Variants in ERCC5 observed in about 807,000 individuals in gnomAD.
ERCC5 encodes the protein ERCC excision repair 5, endonuclease, also known as DNA excision repair protein ERCC-5.
Under a neutral mutation model 105.6 loss-of-function variants are expected in ERCC5, and 68 were observed. The ratio of observed to expected loss-of-function variants is 0.64; its 90% CI spans 0.53 to 0.79. The LOEUF (loss-of-function observed/expected upper bound fraction) is 0.79. Among genes scored for constraint, ERCC5 ranks in the 30% least tolerant of loss-of-function variants. The probability of loss-of-function intolerance (pLI) is 0.00; values close to 1 mark genes in which losing one functional copy is unlikely to be tolerated. For missense variants in ERCC5, 1,373 were observed against 1,426.7 expected, an observed-to-expected ratio of 0.96 and a Z score of 0.61; for synonymous variants, 546 against 526.2, an observed-to-expected ratio of 1.04 and a Z score of -0.51.
chr13:102,863,201 A>G (rs936635224), intron 8 of ERCC5, 98 bp downstream of exon 8: 11 of 1,358,356 alleles, frequency 8.1e-6, no homozygotes, highest in Middle Eastern at 3.6e-4. Context: ...AACTTTTTAC[A>G]GATAAGGAAC....
intron 1 of ERCC5, chr13:102,849,216 C>T (rs780892562): frequency 7.7e-6 from 4 of 518,814 alleles, no homozygotes; most frequent in African/African-American, 7.7e-5. Context: ...CCGATCTCTT[C>T]TCGTGGTCTC....
chr13:102,866,632 G>C lies in ERCC5; in HGVS notation c.2320G>C (p.Glu774Gln). 6.2e-7 allele frequency: 1 copy of C among 1,613,010 alleles called. No individual in the cohort carries two copies. The change falls in exon 11 of 15, where the codon GAA (glutamate) becomes CAA (glutamine). Residue 774 changes from glutamate (E) to glutamine (Q), a missense_variant and splice_region_variant. By Grantham distance (29) the Glu-to-Gln change is conservative. Around this residue, in one of 3 missense-constraint regions of ERCC5, gnomAD observed 1,004 missense variants for 1,059.7 expected, o/e 0.95. Transcript: ENST00000652225. The stretch of plus-strand genomic sequence containing the variant: ...TCACTGTGTACCCCTCACTCTGCAG[G>C]AACTCCTGCGCCTGTTCGGCATTCC... ...VTGQMFLESQ[E>Q]LLRLFGIPYI...
rs769114854 is a variant in ERCC5 at position 102,862,467 on chromosome 13, A to G, written c.1318A>G (p.Ile440Val). 8 of 1,614,050 alleles carry G rather than the reference A, an allele frequency of 5.0e-6. No individual in the cohort carries two copies. Among genetic ancestry groups the G allele is most frequent in the East Asian group, 4.5e-5 (2 of 44,896 alleles). Residue 440 changes from isoleucine to valine, a missense_variant, in exon 8 of 15, where the codon ATA becomes GTA. By Grantham distance (29) the Ile-to-Val change is conservative (BLOSUM62 3). This residue lies in a region of ERCC5 where 1,004 missense variants were observed against 1,059.7 expected (regional missense o/e 0.95). Coordinates refer to ENST00000652225, the MANE Select transcript of ERCC5 (RefSeq NM_000123.4). ...ACTTAAAGTGAGAGATGGAAAAGGA[A>G]TACCGTTTACTGCAACACTTGCGTC... is the stretch of plus-strand genomic sequence containing the variant. Reference protein sequence around the residue: ...EGLKVRDGKGIPFTATLASSS... With the variant: ...EGLKVRDGKGVPFTATLASSS...
At chr13:102,861,283 C>G (rs1473432484) in intron 6 of ERCC5, among the ~76,000 whole-genome samples, 1 of 152,140 alleles carries the variant, frequency 6.6e-6, no homozygotes, top group African/African-American at 2.4e-5. Flanking sequence ...GCCACCGCAC[C>G]TGGCCATAGT....
At chr13:102,858,185 AT>A in intron 5 of ERCC5, 89 bp from the exon 6 acceptor site, 1 of 1,558,734 alleles carries the variant, frequency 6.4e-7, no homozygotes, top group African/African-American at 1.4e-5. Context: ...AACTGTGTTT[AT>A]TATATAAACA....
At position 102,861,515 on chromosome 13, in the gene ERCC5, T is replaced by A. The variant is rs1240569472; in HGVS notation, c.681T>A (p.Asp227Glu). The change falls in exon 7 of 15, where the codon GAT becomes GAA. Residue 227 changes from aspartate to glutamate, a missense_variant. Around this residue, in one of 3 missense-constraint regions of ERCC5, gnomAD observed 1,004 missense variants for 1,059.7 expected, o/e 0.95. Coordinates refer to ENST00000652225, the MANE Select transcript of ERCC5 (RefSeq NM_000123.4). ...GTTTATTTTGCCTTTAGGAGTCTGA[T>A]GACTTTTCACAGTACCAACTCAAAG... The part of the protein sequence containing the change: ...TLFEAMPEES[D>E]DFSQYQLKGL... 6.2e-7 allele frequency: 1 copy of A among 1,614,146 alleles called. No individual in the cohort carries two copies. Among genetic ancestry groups the A allele is most frequent in the South Asian group, 1.1e-5 (1 of 91,082 alleles).
At chr13:102,852,364 TA>T in intron 2 of ERCC5, 71 bp downstream of exon 2, 1 of 1,574,540 alleles carries the variant, frequency 6.4e-7, no homozygotes, top group Non-Finnish European at 8.6e-7. Context: ...AAAATTCACA[TA>T]AAATTTTTGT....
At chr13:102,868,837 G>T (rs1331669333) in intron 12 of ERCC5, among the ~76,000 whole-genome samples, 1 of 152,216 alleles carries the variant, frequency 6.6e-6, no homozygotes, top group East Asian at 1.9e-4. Flanking sequence ...TATACTCGGG[G>T]TACATTTATC....
rs568099527 is a variant in ERCC5 at position 102,872,499 on chromosome 13, C to T, written c.2879+101C>T. On this transcript the variant is annotated intron_variant, in intron 13 of 14. Transcript: ENST00000652225. ...CTTGGATCATTTTTTTCTTATATCCCGTTAATCCCATTTTCTTAATATCCC... is the reference window on the plus strand; with the variant it reads ...CTTGGATCATTTTTTTCTTATATCCTGTTAATCCCATTTTCTTAATATCCC... The T allele has an allele frequency of 4.6e-4, 635 of 1,381,982 alleles. 2 individuals carry two copies. Among genetic ancestry groups the T allele is most frequent in the Middle Eastern group, 1.4e-3 (7 of 5,114 alleles). 85.6% of individuals were successfully genotyped at this position (1,381,982 alleles called of 1,614,324 possible). A position where few individuals can be genotyped will look rare whatever the true frequency, so the allele number is the denominator to read the frequency against.
intron 12 of ERCC5, among the ~76,000 whole-genome samples, chr13:102,870,613 G>T (rs1883000162): frequency 6.6e-6 from 1 of 152,182 alleles, no homozygotes; most frequent in African/African-American, 2.4e-5. Flanking sequence ...TGCAAGTAAA[G>T]TAGAGGAGAA....
In ERCC5 at chr13:102,858,418, G is replaced by A. The variant is rs2140523367; in HGVS notation, c.672G>A (p.Glu224=). 1.2e-6 allele frequency: 2 copies of A among 1,614,020 alleles called. No individual in the cohort carries two copies. Among genetic ancestry groups the A allele is most frequent in the Non-Finnish European group, 1.7e-6 (2 of 1,179,968 alleles). ...RRRTLFEAMP[E]ESDDFSQYQL... is the part of the protein sequence containing the mutation. Reference sequence around the variant, plus strand: ...GAACATTATTTGAAGCAATGCCAGAGGTGAAATATGCAACAGTACATTCAT... The same window carrying A: ...GAACATTATTTGAAGCAATGCCAGAAGTGAAATATGCAACAGTACATTCAT... The change falls in exon 6 of 15, where the codon GAG becomes GAA. Residue 224 remains glutamate (E), a splice_region_variant and synonymous_variant. Transcript: ENST00000652225.
intron 2 of ERCC5, among the ~76,000 whole-genome samples, chr13:102,853,396 A>G (rs1340245048): frequency 6.6e-6 from 1 of 152,274 alleles, no homozygotes; most frequent in East Asian, 1.9e-4. Flanking sequence ...AAAAAGCAAT[A>G]TTAGAAATTG....
At position 102,850,327 on chromosome 13, in the gene ERCC5, C is replaced by T. The variant is rs74648334; in HGVS notation, c.89-1791C>T. 4.8e-3 allele frequency among the ~76,000 whole-genome samples: 730 copies of T among 152,024 alleles called. 16 individuals are homozygous for T. In the East Asian group the frequency reaches 0.049, roughly 10 times the overall value. On this transcript the variant is annotated intron_variant, in intron 1 of 14. Coordinates refer to ENST00000652225, the MANE Select transcript of ERCC5 (RefSeq NM_000123.4). The stretch of plus-strand genomic sequence containing the variant: ...GACCTTAGAGTAGGAGAGAACTAGG[C>T]GGAGAGAGGGAGAAACTGTTTCAGG...
Position 102,863,042 on chromosome 13 carries a change from A to C in ERCC5, c.1893A>C (p.Leu631Phe), listed in dbSNP as rs1221081173. 6.2e-7 allele frequency: 1 copy of C among 1,614,084 alleles called. No homozygotes were observed. The highest frequency in any genetic ancestry group is 8.5e-7 in the Non-Finnish European group (1 of 1,180,044). Residue 631 changes from leucine (L) to phenylalanine (F), a missense_variant, in exon 8 of 15, where the codon TTA becomes TTC. Physicochemically the swap from Leu to Phe is conservative, Grantham distance 22 (BLOSUM62 0). Around this residue, in one of 3 missense-constraint regions of ERCC5, gnomAD observed 1,004 missense variants for 1,059.7 expected, o/e 0.95. Transcript: ENST00000652225. ...QQTTESAGQDLISIPKAVEPM... is the reference protein window; with the variant it reads ...QQTTESAGQDFISIPKAVEPM... ...CCACTGAATCTGCAGGCCAGGATTTAATTTCCATTCCAAAGGCCGTGGAAC... is the reference window on the plus strand; with the variant it reads ...CCACTGAATCTGCAGGCCAGGATTTCATTTCCATTCCAAAGGCCGTGGAAC...
In ERCC5 at chr13:102,866,042, ATTT is replaced by A; in HGVS notation, c.2199+134_2199+136del. 2.6e-6 allele frequency: 4 copies of A among 1,559,500 alleles called. No individual in the cohort carries two copies. The East Asian group carries it at 9.0e-5, about 35-fold the overall frequency. On this transcript the variant is annotated intron_variant, in intron 9 of 14. Transcript: ENST00000652225. ...ACATCTTGTGGTTGCTGATGGCTTC[ATTT>A]TTGTGTAGGTTACTGGCTGGGATAG...
intron 5 of ERCC5, among the ~76,000 whole-genome samples, chr13:102,857,097 T>C (rs575656110): frequency 2.6e-5 from 4 of 152,348 alleles, no homozygotes; most frequent in Admixed American, 1.3e-4. Context: ...TTTTCAAGTT[T>C]CTTAGTGTCA....
intron 1 of ERCC5, chr13:102,849,554 G>T: frequency 5.0e-6 from 2 of 396,138 alleles, no homozygotes; most frequent in Non-Finnish European, 1.0e-5. Flanking sequence ...ATAGTGTTTT[G>T]TAAATTAATT....
rs1882634594 is a variant in ERCC5 at position 102,861,901 on chromosome 13, C to A, written c.881-129C>A. 8 of 1,407,600 alleles carry A rather than the reference C, an allele frequency of 5.7e-6. No homozygotes were observed. In the East Asian group the frequency reaches 1.8e-4, roughly 32 times the overall value. The allele number at this position is 1,407,600 out of a possible 1,614,324, so 87.2% of individuals were successfully genotyped here. ...TTTAAAATTAGCTAATGAATTAACTCCTAGTTGCCGATTAAATGAAAATGT... is the reference window on the plus strand; with the variant it reads ...TTTAAAATTAGCTAATGAATTAACTACTAGTTGCCGATTAAATGAAAATGT... On this transcript the variant is annotated intron_variant, in intron 7 of 14. Transcript: ENST00000652225.
At chr13:102,867,927 G>A (rs371934496) in intron 11 of ERCC5, among the ~76,000 whole-genome samples, 186 bp from the exon 12 acceptor site, 1 of 152,006 alleles carries the variant, frequency 6.6e-6, no homozygotes, top group East Asian at 1.9e-4. Flanking sequence ...CTATGAGAAT[G>A]GATGAAACTT....
Sources: allele counts gnomAD v4.1 joint callset (sites outside exome capture counted in the v4.1 genomes callset), GRCh38; gene constraint gnomAD v4.1.1; regional missense constraint gnomAD v4.1.1; transcripts MANE v1.5; gene names NCBI Gene and HGNC (gene_info 2026-07-23, HGNC 2026-07-21).